The following EPHA3 variants were observed in gnomAD, a reference collection of about 807,000 sequenced individuals.
EPHA3 encodes the protein EPH receptor A3.
In EPHA3, 42 loss-of-function variants were observed where a neutral mutation model predicts 107.1. The observed-to-expected ratio is 0.39, with a 90% confidence interval of 0.31 to 0.51. The LOEUF (loss-of-function observed/expected upper bound fraction) is 0.51, where lower values mean the gene tolerates loss of function less well. EPHA3 is among the 20% of genes least tolerant of loss of function. EPHA3 has a pLI of 0.78. For missense variants in EPHA3, 1,183 were observed against 1,211.2 expected, an observed-to-expected ratio of 0.98 and a Z score of 0.35; for synonymous variants, 461 against 424.8, an observed-to-expected ratio of 1.09 and a Z score of -1.05.
intron 3 of EPHA3, among the ~76,000 whole-genome samples, chr3:89,313,801 A>G (rs1416054152): frequency 6.6e-6 from 1 of 151,958 alleles, no homozygotes; most frequent in Non-Finnish European, 1.5e-5. Flanking sequence ...TCACTTCCCC[A>G]TTACACCTGT....
intron 2 of EPHA3, among the ~76,000 whole-genome samples, chr3:89,145,940 A>C (rs945902433): frequency 3.3e-5 from 5 of 151,910 alleles, no homozygotes; most frequent in African/African-American, 1.2e-4. Flanking sequence ...AATAATAAAA[A>C]AATGAGATGT....
intron 3 of EPHA3, among the ~76,000 whole-genome samples, chr3:89,245,611 T>A (rs1705013456): frequency 6.6e-6 from 1 of 152,206 alleles, no homozygotes; most frequent in African/African-American, 2.4e-5. Context: ...TCTGTTGGAC[T>A]CCCATCATTG....
chr3:89,413,274 C>G lies in EPHA3; in HGVS notation c.1888+8C>G. On this transcript the variant is annotated splice_region_variant and intron_variant, in intron 10 of 16. Transcript: ENST00000336596. ...ATAAAGTTGTTGGAGCAGGTAACCACAATGACCCTACTGCCAACTTAGTAC... is the reference window on the plus strand; with the variant it reads ...ATAAAGTTGTTGGAGCAGGTAACCAGAATGACCCTACTGCCAACTTAGTAC... 1 of 1,611,292 alleles carries G rather than the reference C, an allele frequency of 6.2e-7. No homozygotes were observed. Among genetic ancestry groups the G allele is most frequent in the South Asian group, 1.1e-5 (1 of 91,018 alleles).
chr3:89,408,594 A>C (rs1709098272), intron 9 of EPHA3, among the ~76,000 whole-genome samples: 1 of 152,192 alleles, frequency 6.6e-6, no homozygotes, highest in South Asian at 2.1e-4. Context: ...TAAACTGTTT[A>C]TTTTGCAGTT....
intron 15 of EPHA3, among the ~76,000 whole-genome samples, chr3:89,457,468 G>T (rs1309670745): frequency 6.6e-6 from 1 of 152,186 alleles, no homozygotes; most frequent in Non-Finnish European, 1.5e-5. Context: ...CACACGAGGA[G>T]TCTAGGTTAT....
chr3:89,158,496 T>C (rs1704853796), intron 2 of EPHA3, among the ~76,000 whole-genome samples: 1 of 152,130 alleles, frequency 6.6e-6, no homozygotes, highest in Non-Finnish European at 1.5e-5. Context: ...CCTAAATTTG[T>C]TTATCAGAAA....
Position 89,359,831 on chromosome 3 carries a change from A to C in EPHA3, c.1306+17741A>C, listed in dbSNP as rs550355981. ...TATATACATATATATACATATATAT[A>C]TACATATATATATATGCATATCTTT... On this transcript the variant is annotated intron_variant, in intron 5 of 16. Transcript: ENST00000336596. Among the ~76,000 whole-genome samples the C allele has an allele frequency of 5.7e-5, 8 of 139,916 alleles. No homozygotes were observed. The South Asian group carries it at 1.7e-3, about 30-fold the overall frequency. 91.8% of individuals were successfully genotyped at this position (139,916 alleles called of 152,430 possible).
At chr3:89,453,664 T>C (rs1710040161) in intron 15 of EPHA3, among the ~76,000 whole-genome samples, 1 of 152,196 alleles carries the variant, frequency 6.6e-6, no homozygotes, top group Non-Finnish European at 1.5e-5. Context: ...TATGCAACTA[T>C]GTCAAGAAGT....
In EPHA3 at chr3:89,481,537, T is replaced by C. The variant is rs1576401389; in HGVS notation, c.*2035T>C. The C allele has an allele frequency of 4.3e-6, 1 of 232,328 alleles. No individual in the cohort carries two copies. Among genetic ancestry groups the C allele is most frequent in the East Asian group, 6.1e-5 (1 of 16,394 alleles). The allele number at this position is 232,328 out of a possible 1,614,324, so 14.4% of individuals were successfully genotyped here. Reference sequence around the variant, plus strand: ...CTATTTTCTTTTTTAGGTACTATTCTGAGCATACTCAACAAAACCCATGCA... The same window carrying C: ...CTATTTTCTTTTTTAGGTACTATTCCGAGCATACTCAACAAAACCCATGCA... On this transcript the variant is annotated 3_prime_UTR_variant, in exon 17 of 17. Transcript: ENST00000336596.
intron 2 of EPHA3, among the ~76,000 whole-genome samples, chr3:89,188,651 G>T (rs1195082747): frequency 1.3e-5 from 2 of 152,076 alleles, no homozygotes; most frequent in African/African-American, 4.8e-5. Flanking sequence ...CATAACAGGT[G>T]CTATTACAAA....
At chr3:89,278,084 T>G (rs1003221911) in intron 3 of EPHA3, among the ~76,000 whole-genome samples, 1 of 152,298 alleles carries the variant, frequency 6.6e-6, no homozygotes, top group East Asian at 1.9e-4. Flanking sequence ...TCTAAAAACA[T>G]GTGTAATTCC....
intron 2 of EPHA3, among the ~76,000 whole-genome samples, chr3:89,129,602 G>T (rs947726279): frequency 1.6e-3 from 217 of 134,340 alleles, no homozygotes; most frequent in Middle Eastern, 8.3e-3. Context: ...ACATTAGATT[G>T]TTTTTTTTTT....
At chr3:89,453,770 G>C (rs1710042279) in intron 15 of EPHA3, among the ~76,000 whole-genome samples, 1 of 151,970 alleles carries the variant, frequency 6.6e-6, no homozygotes, top group South Asian at 2.1e-4. Flanking sequence ...TTAATTTTTA[G>C]TGATGTCCTT....
intron 2 of EPHA3, among the ~76,000 whole-genome samples, chr3:89,153,860 A>G (rs1246020792): frequency 6.6e-6 from 1 of 152,040 alleles, no homozygotes; most frequent in Non-Finnish European, 1.5e-5. Context: ...TGCAAGGCTC[A>G]TCATGATTTG....
chr3:89,132,400 G>T (rs999939355), intron 2 of EPHA3, among the ~76,000 whole-genome samples: 1 of 152,126 alleles, frequency 6.6e-6, no homozygotes, highest in Non-Finnish European at 1.5e-5. Context: ...GGAGGCTATG[G>T]CTATGGCATA....
intron 3 of EPHA3, among the ~76,000 whole-genome samples, chr3:89,219,688 G>GTGTTTTTTTTTGTTTTTTTGT: frequency 3.2e-4 from 11 of 34,442 alleles, no homozygotes; most frequent in African/African-American, 1.3e-3. Flanking sequence ...ATTTGGCAAT[G>GTGTTTTTTTTTGTTTTTTTGT]TTTTTTTTTT....
At position 89,127,276 on chromosome 3, in the gene EPHA3, G is replaced by A. The variant is rs755667827; in HGVS notation, c.153+3G>A. 6.2e-6 allele frequency: 10 copies of A among 1,609,980 alleles called. No individual in the cohort carries two copies. The highest frequency in any genetic ancestry group is 7.6e-6 in the Non-Finnish European group (9 of 1,176,822). ...GGATCTCTTATCCATCACATGGGGT[G>A]AGTTCAATAAACTATCACAAGGAAA... On this transcript the variant is annotated splice_donor_region_variant and intron_variant, in intron 2 of 16. Coordinates refer to ENST00000336596, the MANE Select transcript of EPHA3 (RefSeq NM_005233.6).
intron 2 of EPHA3, among the ~76,000 whole-genome samples, chr3:89,191,460 C>T (rs2107141365): frequency 6.6e-6 from 1 of 152,064 alleles, no homozygotes; most frequent in Non-Finnish European, 1.5e-5. Flanking sequence ...GCGCCCGCCA[C>T]CACGCCCGGC....
chr3:89,310,484 A>G (rs1307388671), intron 3 of EPHA3, among the ~76,000 whole-genome samples: 1 of 151,886 alleles, frequency 6.6e-6, no homozygotes, highest in Non-Finnish European at 1.5e-5. Flanking sequence ...GTCTAATTTA[A>G]ATTATGTTAA....
Sources: allele counts gnomAD v4.1 joint callset (sites outside exome capture counted in the v4.1 genomes callset), GRCh38; gene constraint gnomAD v4.1.1; transcripts MANE v1.5; gene names NCBI Gene and HGNC (gene_info 2026-07-23, HGNC 2026-07-21).